APBA3: variants seen among roughly 807,000 people sequenced by gnomAD.
APBA3 encodes amyloid beta precursor protein binding family A member 3.
In APBA3, 45 loss-of-function variants were observed where a neutral mutation model predicts 55.9. The ratio of observed to expected loss-of-function variants is 0.80; its 90% CI spans 0.63 to 1.03. The LOEUF is 1.03. Ranked by LOEUF, APBA3 falls within the 50% of genes least tolerant of loss-of-function variation. The pLI is 0.00. For missense variants in APBA3, 865 were observed against 820.3 expected (o/e 1.05, Z -0.67); for synonymous variants, 370 against 353.3 (o/e 1.05, Z -0.53).
In APBA3 at chr19:3,760,308, G is replaced by C; in HGVS notation, c.-37-7C>G. 1 of 1,527,484 alleles carries C rather than the reference G, an allele frequency of 6.5e-7. No individual in the cohort carries two copies. Among genetic ancestry groups the C allele is most frequent in the Non-Finnish European group, 8.8e-7 (1 of 1,142,844 alleles). The allele number at this position is 1,527,484 out of a possible 1,614,324, so 94.6% of individuals were successfully genotyped here. A position where few individuals can be genotyped will look rare whatever the true frequency, so the allele number is the denominator to read the frequency against. ...GGCCGGCATCTTCAGGCAGCTGAAA[G>C]AGAGAGAGTCAGCACTGAGGTTTCG... On this transcript the variant is annotated splice_region_variant and splice_polypyrimidine_tract_variant and intron_variant, in intron 1 of 10. Transcript: ENST00000316757.
chr19:3,752,477 TG>T, intron 8 of APBA3, 30 bp downstream of exon 8: 1 of 1,525,954 alleles, frequency 6.6e-7, no homozygotes, highest in Non-Finnish European at 8.8e-7. Context: ...TTCCTGGGAG[TG>T]TGGGGGCCCT....
rs1401260631 is a variant in APBA3 at position 3,751,417 on chromosome 19, A to AGGGGCC, written c.1515+11_1515+16dup. 6.6e-7 allele frequency: 1 copy of AGGGGCC among 1,520,190 alleles called. No homozygotes were observed. Among genetic ancestry groups the AGGGGCC allele is most frequent in the Non-Finnish European group, 8.8e-7 (1 of 1,137,588 alleles). The allele number at this position is 1,520,190 out of a possible 1,614,324, so 94.2% of individuals were successfully genotyped here. A position where few individuals can be genotyped will look rare whatever the true frequency, so the allele number is the denominator to read the frequency against. On this transcript the variant is annotated intron_variant, in intron 9 of 10. Coordinates refer to ENST00000316757, the MANE Select transcript of APBA3 (RefSeq NM_004886.4). ...CGCCCTACCCCCCCACCCCGGGGCC[A>AGGGGCC]GGGGCCGGGGCCTCACGATGCCGTC... is the stretch of plus-strand genomic sequence containing the variant.
At chr19:3,752,287 C>T (rs58434162) in intron 8 of APBA3, among the ~76,000 whole-genome samples, 5,199 of 152,112 alleles carry the variant, frequency 0.034, 331 homozygotes, top group African/African-American at 0.12. Flanking sequence ...CTGGGCCACC[C>T]GCATTTCCAT....
In APBA3 at chr19:3,754,200, C is replaced by G; in HGVS notation, c.757G>C (p.Val253Leu). The G allele has an allele frequency of 6.5e-7, 1 of 1,541,770 alleles. No individual in the cohort carries two copies. The highest frequency in any genetic ancestry group is 1.2e-5 in the South Asian group (1 of 83,804). The change falls in exon 4 of 11, where the codon GTC becomes CTC. Residue 253 changes from valine to leucine, a missense_variant. Coordinates refer to ENST00000316757, the MANE Select transcript of APBA3 (RefSeq NM_004886.4). ...GGCCCCGGCCGCCCCCTCACCTTGA[C>G]GCGGTCCATGGCCTCCCGGGCCTGG... ...MAQAREAMDR[V>L]KAPDGETQPM... is the part of the protein sequence containing the mutation.
chr19:3,751,459 A>G lies in APBA3; in HGVS notation c.1490T>C (p.Leu497Pro), dbSNP rs1470462768. The G allele has an allele frequency of 1.9e-6, 3 of 1,549,692 alleles. No homozygotes were observed. Among genetic ancestry groups the G allele is most frequent in the Non-Finnish European group, 1.7e-6 (2 of 1,151,936 alleles). The part of the protein sequence containing the change: ...IIHRPHAREQ[L>P]GFCVEDGIIC... The stretch of plus-strand genomic sequence containing the variant: ...GATGCCGTCCTCCACGCAGAAGCCC[A>G]GCTGCTCGCGGGCGTGGGGCCGGTG... The change falls in exon 9 of 11, where the codon CTG (leucine) becomes CCG (proline). Residue 497 changes from leucine to proline, a missense_variant. Leu to Pro is a moderately conservative substitution (Grantham distance 98). Coordinates refer to ENST00000316757, the MANE Select transcript of APBA3 (RefSeq NM_004886.4).
rs1555743060 is a variant in APBA3 at position 3,755,559 on chromosome 19, C to CGGGGTT, written c.617-1220_617-1219insAACCCC. On this transcript the variant is annotated intron_variant, in intron 3 of 10. Coordinates refer to ENST00000316757, the MANE Select transcript of APBA3 (RefSeq NM_004886.4). ...CTGTAACCCCAGCACTTTAGGAGGC[C>CGGGGTT]GGGGGGGGGGGGTGGATCACCTGAG... is the stretch of plus-strand genomic sequence containing the variant. The CGGGGTT allele has an allele frequency of 9.4e-4, 48 of 51,262 alleles. 3 individuals carry two copies. The highest frequency in any genetic ancestry group is 2.9e-3 in the African/African-American group (44 of 15,244). The allele number at this position is 51,262 out of a possible 1,614,324, so 3.2% of individuals were successfully genotyped here.
In APBA3 at chr19:3,752,702, G is replaced by T. The variant is rs201602109; in HGVS notation, c.1201C>A (p.Arg401=). ...NCREVHLEKR[R]GEGLGVALVE... ...AGGGCCACGCCCAGGCCCTCCCCTC[G>T]CCGCTTCTCGAGGTGCACCTGGGAC... Residue 401 remains arginine, a synonymous_variant, in exon 8 of 11, where the codon CGA becomes AGA. Transcript: ENST00000316757. The T allele has an allele frequency of 2.5e-6, 4 of 1,596,158 alleles. No individual in the cohort carries two copies. The East Asian group carries it at 6.8e-5, about 27-fold the overall frequency.
At chr19:3,760,801 A>G (rs1427401985) in intron 1 of APBA3, among the ~76,000 whole-genome samples, 1 of 150,340 alleles carries the variant, frequency 6.7e-6, no homozygotes, top group Non-Finnish European at 1.5e-5. Context: ...AGTCCCAGCT[A>G]CTTGGGAGGC....
chr19:3,761,379 G>A (rs1478438329), intron 1 of APBA3, among the ~76,000 whole-genome samples, 157 bp downstream of exon 1: 1 of 152,106 alleles, frequency 6.6e-6, no homozygotes, highest in Non-Finnish European at 1.5e-5. Flanking sequence ...CCATAAGGCG[G>A]ACCCCAGTCT....
At position 3,751,336 on chromosome 19, in the gene APBA3, G is replaced by C. The variant is rs974248627; in HGVS notation, c.1516-7C>G. The C allele has an allele frequency of 2.0e-6, 3 of 1,529,678 alleles. No homozygotes were observed. In the African/African-American group the frequency reaches 4.1e-5, roughly 21 times the overall value. 94.8% of individuals were successfully genotyped at this position (1,529,678 alleles called of 1,614,324 possible). ...CACGGAGGAGGCTGCAGATCTGGGG[G>C]AGAAAAGAGGGGGACGGGAAAGAGG... On this transcript the variant is annotated splice_region_variant and splice_polypyrimidine_tract_variant and intron_variant, in intron 9 of 10. Transcript: ENST00000316757.
rs1568395813 is a variant in APBA3 at position 3,759,612 on chromosome 19, T to C, written c.577-12A>G. The C allele has an allele frequency of 1.9e-6, 3 of 1,600,812 alleles. No homozygotes were observed. The highest frequency in any genetic ancestry group is 1.7e-6 in the Non-Finnish European group (2 of 1,175,234). On this transcript the variant is annotated splice_polypyrimidine_tract_variant and intron_variant, in intron 2 of 10. Transcript: ENST00000316757. ...AGGGTCTCGGGGCTCTGGAAGAAGATAGAGGAGGGGCAGGACTGAGTCTCC... is the reference window on the plus strand; with the variant it reads ...AGGGTCTCGGGGCTCTGGAAGAAGACAGAGGAGGGGCAGGACTGAGTCTCC...
In APBA3 at chr19:3,752,508, G is replaced by A. The variant is rs201543933; in HGVS notation, c.1395C>T (p.Arg465=). The change falls in exon 8 of 11, where the codon CGC becomes CGT. Residue 465 remains arginine (R), a splice_region_variant and synonymous_variant. Transcript: ENST00000316757. ...GGCCCTGCCACACCAGGAAACTCAC[G>A]CGGACAGCGGCCTGGCACGCAGCCA... The part of the protein sequence containing the change: ...LPLAACQAAV[R]ETKSQTSVTL... The A allele has an allele frequency of 8.3e-6, 13 of 1,569,764 alleles. No individual in the cohort carries two copies. The highest frequency in any genetic ancestry group is 2.3e-5 in the South Asian group (2 of 86,198).
chr19:3,754,185 G>A lies in APBA3; in HGVS notation c.762+10C>T, dbSNP rs561957330. 335 of 1,541,424 alleles carry A rather than the reference G, an allele frequency of 2.2e-4. 1 individual carries two copies. Among genetic ancestry groups the A allele is most frequent in the South Asian group, 5.5e-4 (46 of 83,820 alleles). On this transcript the variant is annotated intron_variant, in intron 4 of 10. Coordinates refer to ENST00000316757, the MANE Select transcript of APBA3 (RefSeq NM_004886.4). The stretch of plus-strand genomic sequence containing the variant: ...CCCGCCTGCCCGCCCGGCCCCGGCC[G>A]CCCCCTCACCTTGACGCGGTCCATG...
intron 8 of APBA3, 175 bp from the exon 9 acceptor site, chr19:3,751,728 G>A: frequency 1.4e-6 from 1 of 738,088 alleles, no homozygotes; most frequent in Non-Finnish European, 2.1e-6. Context: ...TGGGCATGGG[G>A]TCGAAGCTGT....
intron 3 of APBA3, 45 bp from the exon 4 acceptor site, chr19:3,754,385 C>G: frequency 6.5e-7 from 1 of 1,528,246 alleles, no homozygotes; most frequent in Non-Finnish European, 8.8e-7. Context: ...GGCCCACTCC[C>G]ACAGGCTCTG....
chr19:3,759,622 G>C (rs897075534), intron 2 of APBA3, 22 bp from the exon 3 acceptor site: 1 of 1,603,646 alleles, frequency 6.2e-7, no homozygotes, highest in Non-Finnish European at 8.5e-7. Flanking sequence ...TAGAGGAGGG[G>C]CAGGACTGAG....
At chr19:3,758,057 C>G (rs1019190256) in intron 3 of APBA3, among the ~76,000 whole-genome samples, 1 of 152,176 alleles carries the variant, frequency 6.6e-6, no homozygotes, top group East Asian at 1.9e-4. Context: ...GCCTCAGCCT[C>G]CTGAGTAGCT....
At chr19:3,753,029 C>T (rs548249536) in intron 6 of APBA3, 39 bp from the exon 7 acceptor site, 1 of 1,599,040 alleles carries the variant, frequency 6.3e-7, no homozygotes, top group Admixed American at 1.7e-5. Context: ...GTGTCCCACC[C>T]ACCTCCTCCA....
At chr19:3,751,607 G>T in intron 8 of APBA3, 54 bp from the exon 9 acceptor site, 1 of 1,533,428 alleles carries the variant, frequency 6.5e-7, no homozygotes, top group Non-Finnish European at 8.7e-7. Flanking sequence ...CTGGCAGGTT[G>T]TAGCCCCCTC....
Sources: allele counts gnomAD v4.1 joint callset (sites outside exome capture counted in the v4.1 genomes callset), GRCh38; gene constraint gnomAD v4.1.1; transcripts MANE v1.5; gene names NCBI Gene and HGNC (gene_info 2026-07-23, HGNC 2026-07-21).